Variants in NIPAL2 observed in about 807,000 individuals in gnomAD.
NIPAL2 encodes the protein NIPA like domain containing 2, also known as NIPA-like protein 2.
A neutral mutation model predicts 48.9 loss-of-function variants in NIPAL2; 43 were observed. The observed-to-expected ratio is 0.88, with a 90% CI of 0.69 to 1.13. NIPAL2 has a LOEUF of 1.13. Ranked by LOEUF, NIPAL2 falls within the 50% of genes most tolerant of loss-of-function variation. The pLI, the probability that NIPAL2 is intolerant of heterozygous loss-of-function variation, is 0.00. For missense variants in NIPAL2, 446 were observed against 461.4 expected, an observed-to-expected ratio of 0.97 and a Z score of 0.31; for synonymous variants, 167 against 174.6, an observed-to-expected ratio of 0.96 and a Z score of 0.34.
At chr8:98,201,751 A>G (rs536772746) in intron 8 of NIPAL2, among the ~76,000 whole-genome samples, 1 of 152,344 alleles carries the variant, frequency 6.6e-6, no homozygotes, top group South Asian at 2.1e-4. Context: ...TAATTTATTA[A>G]CTAGCTTAAA....
intron 6 of NIPAL2, among the ~76,000 whole-genome samples, chr8:98,207,080 A>C (rs1004141986): frequency 1.3e-5 from 2 of 152,196 alleles, no homozygotes; most frequent in African/African-American, 4.8e-5. Flanking sequence ...ATTAGAACAC[A>C]GTGTGATTAT....
At chr8:98,244,086 A>C (rs900349184) in intron 3 of NIPAL2, among the ~76,000 whole-genome samples, 3 of 151,988 alleles carry the variant, frequency 2.0e-5, no homozygotes, top group Non-Finnish European at 2.9e-5. Flanking sequence ...ACTTTACTCA[A>C]ATGTGATTAT....
chr8:98,229,204 T>A (rs1455504180), intron 4 of NIPAL2, among the ~76,000 whole-genome samples: 1 of 152,222 alleles, frequency 6.6e-6, no homozygotes, highest in Non-Finnish European at 1.5e-5. Flanking sequence ...TAGAAGTCTA[T>A]AATCGTCTGG....
chr8:98,288,983 T>C (rs1222344368), intron 1 of NIPAL2, among the ~76,000 whole-genome samples: 1 of 152,206 alleles, frequency 6.6e-6, no homozygotes, highest in Non-Finnish European at 1.5e-5. Context: ...ATCACCCAAG[T>C]GTGTGCTCCC....
chr8:98,262,901 G>A (rs200046567), intron 1 of NIPAL2, among the ~76,000 whole-genome samples: 6 of 150,344 alleles, frequency 4.0e-5, no homozygotes, highest in African/African-American at 7.5e-5. Flanking sequence ...CAGCAAATGT[G>A]AAAGAACAGA....
At chr8:98,220,499 C>A (rs1811801363) in intron 5 of NIPAL2, among the ~76,000 whole-genome samples, 1 of 151,806 alleles carries the variant, frequency 6.6e-6, no homozygotes, top group African/African-American at 2.4e-5. Flanking sequence ...CAACCTTGAC[C>A]TCCTGGGCTC....
At position 98,192,692 on chromosome 8, in the gene NIPAL2, A is replaced by G; in HGVS notation, c.*286T>C. 2.6e-6 allele frequency: 1 copy of G among 382,200 alleles called. No homozygotes were observed. Among genetic ancestry groups the G allele is most frequent in the Non-Finnish European group, 4.8e-6 (1 of 209,546 alleles). 23.7% of individuals were successfully genotyped at this position (382,200 alleles called of 1,614,324 possible). A position where few individuals can be genotyped will look rare whatever the true frequency, so the allele number is the denominator to read the frequency against. ...CCGCAAATGTATGTTTCTGTGCAAC[A>G]TTCCTGCTAGAGCAGCCGGGCTCTG... On this transcript the variant is annotated 3_prime_UTR_variant, in exon 11 of 11. Coordinates refer to ENST00000430223, the MANE Select transcript of NIPAL2 (RefSeq NM_001321635.2).
chr8:98,217,245 C>T, intron 5 of NIPAL2: 4 of 985,442 alleles, frequency 4.1e-6, no homozygotes, highest in Non-Finnish European at 4.8e-6. Context: ...CTCTGTGAGG[C>T]TTCCATTTAA....
intron 3 of NIPAL2, among the ~76,000 whole-genome samples, chr8:98,241,818 G>A (rs1311190539): frequency 7.0e-6 from 1 of 143,686 alleles, no homozygotes; most frequent in Non-Finnish European, 1.6e-5. Flanking sequence ...GGTTTGACAC[G>A]GAATAATTAA....
intron 8 of NIPAL2, 110 bp downstream of exon 8, chr8:98,202,998 G>C: frequency 1.2e-6 from 1 of 800,476 alleles, no homozygotes; most frequent in Non-Finnish European, 2.1e-6. Flanking sequence ...GACACCAGGT[G>C]GAGGCAACAC....
intron 1 of NIPAL2, among the ~76,000 whole-genome samples, chr8:98,284,832 A>G (rs1816065145): frequency 6.6e-6 from 1 of 152,158 alleles, no homozygotes; most frequent in Admixed American, 6.5e-5. Context: ...AGCTAAATGC[A>G]CTAAACTTGT....
rs531817215 is a variant in NIPAL2 at position 98,250,411 on chromosome 8, G to T, written c.376+2052C>A. ...TATAAAGAATCTCAGGGTAGCAGGGGTTTGTTCTAGGGAAAATCCTCCATC... is the reference window on the plus strand; with the variant it reads ...TATAAAGAATCTCAGGGTAGCAGGGTTTTGTTCTAGGGAAAATCCTCCATC... On this transcript the variant is annotated intron_variant, in intron 3 of 10. Coordinates refer to ENST00000430223, the MANE Select transcript of NIPAL2 (RefSeq NM_001321635.2). Among the ~76,000 whole-genome samples, 471 of 152,236 alleles carry T rather than the reference G, an allele frequency of 3.1e-3. 1 individual carries two copies. Among genetic ancestry groups the T allele is most frequent in the African/African-American group, 0.011 (441 of 41,540 alleles).
chr8:98,221,265 C>T (rs944184275), intron 5 of NIPAL2, among the ~76,000 whole-genome samples: 2 of 151,978 alleles, frequency 1.3e-5, no homozygotes, highest in Admixed American at 6.5e-5. Context: ...CGTGAGCCAC[C>T]GTGCCCAGCC....
intron 1 of NIPAL2, among the ~76,000 whole-genome samples, chr8:98,254,362 C>T (rs893002971): frequency 2.6e-5 from 4 of 152,068 alleles, no homozygotes; most frequent in Non-Finnish European, 5.9e-5. Flanking sequence ...AATAGTTATT[C>T]GGGTTTTTCC....
chr8:98,253,042 T>C (rs1039798932), intron 2 of NIPAL2, among the ~76,000 whole-genome samples: 3 of 152,094 alleles, frequency 2.0e-5, no homozygotes, highest in Admixed American at 6.5e-5. Flanking sequence ...AGATGCTCCC[T>C]GTCCCTTGGT....
chr8:98,266,433 C>T (rs1442131514), intron 1 of NIPAL2, among the ~76,000 whole-genome samples: 1 of 151,626 alleles, frequency 6.6e-6, no homozygotes, highest in African/African-American at 2.4e-5. Flanking sequence ...GAAACCCTGT[C>T]TCTACTAAAA....
intron 4 of NIPAL2, chr8:98,231,996 G>A (rs369530720): frequency 1.3e-3 from 190 of 151,126 alleles, no homozygotes; most frequent in African/African-American, 4.4e-3. Flanking sequence ...AGAAAAAGAT[G>A]CTTTTTTTAA....
At chr8:98,258,312 G>A (rs1563530779) in intron 1 of NIPAL2, among the ~76,000 whole-genome samples, 1 of 152,178 alleles carries the variant, frequency 6.6e-6, no homozygotes, top group Non-Finnish European at 1.5e-5. Context: ...TATGATGACA[G>A]CTGTACATCA....
At chr8:98,289,985 C>G (rs1249467549) in intron 1 of NIPAL2, among the ~76,000 whole-genome samples, 1 of 152,162 alleles carries the variant, frequency 6.6e-6, no homozygotes, top group South Asian at 2.1e-4. Context: ...ATCATTTTCC[C>G]CTCGCATGGA....
Sources: gnomAD v4.1 joint callset for allele counts (sites outside exome capture counted in the v4.1 genomes callset) on GRCh38, gnomAD v4.1.1 for gene constraint, MANE v1.5 for transcripts, NCBI Gene and HGNC (gene_info 2026-07-23, HGNC 2026-07-21) for gene names.